RALGPS1: variants seen among roughly 807,000 people sequenced by gnomAD.
The protein encoded by RALGPS1 is Ral GEF with PH domain and SH3 binding motif 1.
RALGPS1 carries 19 observed loss-of-function variants against 78.8 expected under a neutral mutation model. That is an observed-to-expected ratio of 0.24 (90% confidence interval 0.17 to 0.35). The LOEUF (loss-of-function observed/expected upper bound fraction) is 0.35, where lower values mean the gene tolerates loss of function less well. Among genes scored for constraint, RALGPS1 ranks in the 10% least tolerant of loss-of-function variants. The pLI, the probability that RALGPS1 is intolerant of heterozygous loss-of-function variation, is 1.00. For synonymous variants in RALGPS1, 228 were observed against 256.3 expected (o/e 0.89, Z 1.06); for missense variants, 454 against 688.3 (o/e 0.66, Z 3.81).
At chr9:127,027,792 C>T in intron 4 of RALGPS1, among the ~76,000 whole-genome samples, 1 of 152,198 alleles carries the variant, frequency 6.6e-6, no homozygotes, top group East Asian at 1.9e-4. Flanking sequence ...CCATGTAGAG[C>T]GTGGGCTCTG....
chr9:127,190,805 T>C (rs941457132), intron 11 of RALGPS1, among the ~76,000 whole-genome samples: 25 of 152,244 alleles, frequency 1.6e-4, no homozygotes, highest in African/African-American at 6.0e-4. Context: ...CATCTTCCTT[T>C]ATTCAGCACT....
At chr9:127,140,644 A>AC (rs1349550384) in intron 8 of RALGPS1, among the ~76,000 whole-genome samples, 4 of 152,242 alleles carry the variant, frequency 2.6e-5, no homozygotes, top group Non-Finnish European at 5.9e-5. Context: ...CTTCACAGTG[A>AC]TGGGATTATA....
chr9:127,003,704 A>C (rs9696569), intron 4 of RALGPS1, among the ~76,000 whole-genome samples: 1 of 151,740 alleles, frequency 6.6e-6, no homozygotes, highest in African/African-American at 2.4e-5. Flanking sequence ...CTTTTTTTTT[A>C]AAATTATTTT....
At chr9:127,107,801 G>T in intron 8 of RALGPS1, 1 of 1,117,792 alleles carries the variant, frequency 8.9e-7, no homozygotes, top group Non-Finnish European at 1.3e-6. Flanking sequence ...GATTGTGCAT[G>T]TCTTTGGCCT....
At chr9:127,201,676 C>G (rs1296645648) in intron 14 of RALGPS1, among the ~76,000 whole-genome samples, 1 of 152,094 alleles carries the variant, frequency 6.6e-6, no homozygotes, top group Non-Finnish European at 1.5e-5. Context: ...TATTCCTGAC[C>G]TTCATGGGCC....
In RALGPS1 at chr9:126,948,168, T is replaced by C. The variant is rs553876255; in HGVS notation, c.-65-14057T>C. Among the ~76,000 whole-genome samples the C allele has an allele frequency of 2.0e-5, 3 of 152,278 alleles. No homozygotes were observed. In the East Asian group the frequency reaches 5.8e-4, roughly 29 times the overall value. On this transcript the variant is annotated intron_variant, in intron 1 of 18. Transcript: ENST00000259351. The stretch of plus-strand genomic sequence containing the variant: ...GAGAGCAGACTTGCCTTTTATATTT[T>C]ATACCTTTTTATCCAGTTTACATAA...
chr9:127,136,499 A>G (rs1291735012), intron 8 of RALGPS1, among the ~76,000 whole-genome samples: 1 of 152,166 alleles, frequency 6.6e-6, no homozygotes, highest in Non-Finnish European at 1.5e-5. Context: ...TTTGCATGCC[A>G]GCTCCCTGCA....
intron 1 of RALGPS1, among the ~76,000 whole-genome samples, chr9:126,943,829 T>G (rs2037001159): frequency 6.6e-6 from 1 of 152,188 alleles, no homozygotes; most frequent in Non-Finnish European, 1.5e-5. Context: ...CTGTTCATTA[T>G]GAAAATTAGG....
At position 126,985,022 on chromosome 9, in the gene RALGPS1, C is replaced by G. The variant is rs373550851; in HGVS notation, c.216+7277C>G. ...TTATTTCTCCATAATTCTTCCTTCT[C>G]AACTTACTCCTTGTCATACCTTCAC... On this transcript the variant is annotated intron_variant, in intron 4 of 18. Transcript: ENST00000259351. Among the ~76,000 whole-genome samples, 7 of 152,322 alleles carry G rather than the reference C, an allele frequency of 4.6e-5. No individual in the cohort carries two copies. In the South Asian group the frequency reaches 1.0e-3, roughly 23 times the overall value.
At chr9:127,007,872 T>G (rs2043984762) in intron 4 of RALGPS1, among the ~76,000 whole-genome samples, 1 of 152,140 alleles carries the variant, frequency 6.6e-6, no homozygotes, top group Non-Finnish European at 1.5e-5. Flanking sequence ...TGATTAGATT[T>G]GCATGGCTTA....
At chr9:127,203,832 A>G (rs1431498893) in intron 14 of RALGPS1, among the ~76,000 whole-genome samples, 1 of 152,176 alleles carries the variant, frequency 6.6e-6, no homozygotes, top group Non-Finnish European at 1.5e-5. Flanking sequence ...AGGACCCTAG[A>G]GAGCCCTCGA....
chr9:126,950,635 A>G (rs1410583062), intron 1 of RALGPS1, among the ~76,000 whole-genome samples: 127 of 152,154 alleles, frequency 8.3e-4, no homozygotes, highest in African/African-American at 3.0e-3. Context: ...AAGACACAAC[A>G]TACCAGAATC....
intron 1 of RALGPS1, among the ~76,000 whole-genome samples, chr9:126,935,046 C>T (rs2036133168): frequency 6.6e-6 from 1 of 152,180 alleles, no homozygotes; most frequent in South Asian, 2.1e-4. Context: ...ACCATTCTTG[C>T]CCCCTGAGAT....
At chr9:126,917,366 A>T (rs1478463770) in intron 1 of RALGPS1, among the ~76,000 whole-genome samples, 5 of 152,204 alleles carry the variant, frequency 3.3e-5, no homozygotes, top group African/African-American at 9.7e-5. Context: ...TTGAATAATG[A>T]GGGGATTAGC....
intron 8 of RALGPS1, among the ~76,000 whole-genome samples, chr9:127,121,655 A>C (rs932244431): frequency 3.9e-5 from 6 of 152,242 alleles, no homozygotes; most frequent in Non-Finnish European, 7.4e-5. Flanking sequence ...CGGGGGTACC[A>C]GGGAAGCCGC....
intron 1 of RALGPS1, among the ~76,000 whole-genome samples, chr9:126,927,445 G>A (rs965031085): frequency 1.6e-4 from 25 of 152,158 alleles, no homozygotes; most frequent in African/African-American, 5.8e-4. Flanking sequence ...CAGGGCTTCA[G>A]TTTTCTCATT....
intron 10 of RALGPS1, among the ~76,000 whole-genome samples, chr9:127,170,431 A>T (rs1297961025): frequency 6.6e-6 from 1 of 152,220 alleles, no homozygotes; most frequent in Admixed American, 6.5e-5. Flanking sequence ...ATAATTTGTT[A>T]AACTATAATA....
chr9:127,117,276 G>A (rs2137510064), intron 8 of RALGPS1, among the ~76,000 whole-genome samples: 1 of 152,284 alleles, frequency 6.6e-6, no homozygotes, highest in Admixed American at 6.5e-5. Flanking sequence ...TCAGATTGCA[G>A]TCATCTGGTT....
chr9:127,093,710 A>G (rs143922059), intron 8 of RALGPS1: 5 of 1,612,656 alleles, frequency 3.1e-6, no homozygotes, highest in South Asian at 1.1e-5. Flanking sequence ...TGGGCAGCAC[A>G]GACATCCCCT....
Sources: gnomAD v4.1 joint callset for allele counts (sites outside exome capture counted in the v4.1 genomes callset) on GRCh38, gnomAD v4.1.1 for gene constraint, MANE v1.5 for transcripts, NCBI Gene and HGNC (gene_info 2026-07-23, HGNC 2026-07-21) for gene names.